Variants in PTPRO observed in about 807,000 individuals in gnomAD.
The protein encoded by PTPRO is receptor-type tyrosine-protein phosphatase O.
PTPRO carries 62 observed loss-of-function variants against 145.2 expected under a neutral mutation model. The ratio of observed to expected loss-of-function variants is 0.43; its 90% CI spans 0.35 to 0.53. The LOEUF is 0.53. Ranked by LOEUF, PTPRO falls within the 20% of genes least tolerant of loss-of-function variation. The pLI is 0.01. For synonymous variants in PTPRO, 565 were observed against 514.7 expected, an observed-to-expected ratio of 1.10 and a Z score of -1.32; for missense variants, 1,345 against 1,482.7, an observed-to-expected ratio of 0.91 and a Z score of 1.53.
Position 15,429,804 on chromosome 12 carries a change from C to T in PTPRO, c.76-54170C>T, listed in dbSNP as rs556043775. 3.0e-4 allele frequency among the ~76,000 whole-genome samples: 46 copies of T among 152,056 alleles called. No homozygotes were observed. In the South Asian group the frequency reaches 9.4e-3, roughly 31 times the overall value. ...GAGGAGACTATGCTAGGAGTTCAGG[C>T]AAGGTGGGAGAGAGAGCAATGTGGA... On this transcript the variant is annotated intron_variant, in intron 1 of 26. Transcript: ENST00000281171.
chr12:15,446,463 C>T (rs1156707853), intron 1 of PTPRO, among the ~76,000 whole-genome samples: 1 of 151,894 alleles, frequency 6.6e-6, no homozygotes, highest in Non-Finnish European at 1.5e-5. Flanking sequence ...TTCCGTTCTT[C>T]CTTATTTACC....
At position 15,491,126 on chromosome 12, in the gene PTPRO, T is replaced by C. The variant is rs892093695; in HGVS notation, c.350-6119T>C. Reference sequence around the variant, plus strand: ...CCAGGTCAGGTCTCAAATGATCATCTATGCACCAAACAGCAGCTCTGGCCT... The same window carrying C: ...CCAGGTCAGGTCTCAAATGATCATCCATGCACCAAACAGCAGCTCTGGCCT... On this transcript the variant is annotated intron_variant, in intron 2 of 26. Coordinates refer to ENST00000281171, the MANE Select transcript of PTPRO (RefSeq NM_030667.3). 3.3e-5 allele frequency among the ~76,000 whole-genome samples: 5 copies of C among 152,274 alleles called. No homozygotes were observed. The South Asian group carries it at 1.0e-3, about 32-fold the overall frequency.
intron 1 of PTPRO, among the ~76,000 whole-genome samples, chr12:15,388,158 A>G (rs992539194): frequency 5.3e-5 from 8 of 152,208 alleles, no homozygotes; most frequent in Non-Finnish European, 1.0e-4. Context: ...TAACCATAAA[A>G]AGCAATGTGC....
rs570337325 is a variant in PTPRO at position 15,587,429 on chromosome 12, T to A, written c.3410+378T>A. On this transcript the variant is annotated intron_variant, in intron 24 of 26. Transcript: ENST00000281171. ...CTACTCCATCAAGGATTCTGGGTAG[T>A]TACAACATGGACAAATACAAGGTCA... Among the ~76,000 whole-genome samples the A allele has an allele frequency of 4.6e-4, 70 of 152,298 alleles. No individual in the cohort carries two copies. The South Asian group carries it at 5.4e-3, about 12-fold the overall frequency.
chr12:15,382,570 C>T (rs1591761269), intron 1 of PTPRO, among the ~76,000 whole-genome samples: 2 of 152,308 alleles, frequency 1.3e-5, no homozygotes, highest in South Asian at 2.1e-4. Context: ...CAGGGCCCTC[C>T]AAGACAGGTG....
At chr12:15,426,063 G>T (rs1940277638) in intron 1 of PTPRO, among the ~76,000 whole-genome samples, 2 of 151,434 alleles carry the variant, frequency 1.3e-5, no homozygotes. Context: ...AGAATATAGG[G>T]TGTCTTTTCA....
intron 1 of PTPRO, among the ~76,000 whole-genome samples, chr12:15,447,850 T>C (rs914133639): frequency 3.9e-5 from 6 of 152,174 alleles, no homozygotes; most frequent in Admixed American, 1.3e-4. Context: ...GTCAAATTCA[T>C]CAGGTTCATT....
At chr12:15,474,929 G>C (rs1352933928) in intron 1 of PTPRO, among the ~76,000 whole-genome samples, 2 of 152,176 alleles carry the variant, frequency 1.3e-5, no homozygotes, top group Admixed American at 6.5e-5. Context: ...TTGGCCTGCT[G>C]TCTTCCTCTC....
chr12:15,483,771 T>G (rs1216180626), intron 1 of PTPRO, among the ~76,000 whole-genome samples: 1 of 151,990 alleles, frequency 6.6e-6, no homozygotes. Context: ...AGAAGATTAT[T>G]AATCCTAAGA....
rs567843054 is a variant in PTPRO at position 15,495,773 on chromosome 12, G to A, written c.350-1472G>A. 7.9e-5 allele frequency among the ~76,000 whole-genome samples: 12 copies of A among 152,224 alleles called. 2 individuals are homozygous for A. Among genetic ancestry groups the A allele is most frequent in the African/African-American group, 2.9e-4 (12 of 41,538 alleles). On this transcript the variant is annotated intron_variant, in intron 2 of 26. Transcript: ENST00000281171. ...CAAAAAAATTATTCATATAAGGATG[G>A]CACCTGGTTACAGAAATTTCATTGA...
intron 19 of PTPRO, among the ~76,000 whole-genome samples, chr12:15,574,880 A>C (rs1443687369): frequency 2.0e-5 from 3 of 152,220 alleles, no homozygotes; most frequent in Non-Finnish European, 4.4e-5. Context: ...ACCTGCTGAC[A>C]TTGTTACAAA....
chr12:15,479,162 GGCATCTGTT>G (rs1261520394), intron 1 of PTPRO, among the ~76,000 whole-genome samples: 1 of 152,164 alleles, frequency 6.6e-6, no homozygotes, highest in Non-Finnish European at 1.5e-5. Context: ...AGGGGAAGAA[GGCATCTGTT>G]GCTACCTTAA....
intron 13 of PTPRO, 119 bp from the exon 14 acceptor site, chr12:15,548,975 C>T: frequency 8.7e-7 from 1 of 1,145,182 alleles, no homozygotes; most frequent in Admixed American, 1.8e-5. Flanking sequence ...CAATGCTATT[C>T]TTTGTCATCT....
chr12:15,362,680 A>G (rs1938245546), intron 1 of PTPRO, among the ~76,000 whole-genome samples: 1 of 152,160 alleles, frequency 6.6e-6, no homozygotes, highest in African/African-American at 2.4e-5. Flanking sequence ...TAGGTCCAGT[A>G]AAATATGAAC....
At chr12:15,418,891 C>G (rs1940056037) in intron 1 of PTPRO, among the ~76,000 whole-genome samples, 1 of 151,606 alleles carries the variant, frequency 6.6e-6, no homozygotes, top group African/African-American at 2.4e-5. Flanking sequence ...TCCTTCCTTG[C>G]CTGTTTCCTC....
At chr12:15,359,358 T>C (rs1433749135) in intron 1 of PTPRO, among the ~76,000 whole-genome samples, 4 of 151,968 alleles carry the variant, frequency 2.6e-5, no homozygotes, top group African/African-American at 9.7e-5. Context: ...CTTATTAGAT[T>C]CATTTTCAGA....
At chr12:15,455,123 A>G (rs898930479) in intron 1 of PTPRO, among the ~76,000 whole-genome samples, 3 of 152,124 alleles carry the variant, frequency 2.0e-5, no homozygotes, top group Non-Finnish European at 2.9e-5. Flanking sequence ...TCAGATATCA[A>G]CACTTCCTTC....
chr12:15,556,141 A>G (rs887030538), intron 15 of PTPRO, among the ~76,000 whole-genome samples: 2 of 152,226 alleles, frequency 1.3e-5, no homozygotes, highest in Non-Finnish European at 1.5e-5. Context: ...CCTAAATTCT[A>G]TCTTTGGAAC....
intron 1 of PTPRO, among the ~76,000 whole-genome samples, chr12:15,328,542 T>C (rs1866514722): frequency 6.6e-6 from 1 of 152,116 alleles, no homozygotes; most frequent in Non-Finnish European, 1.5e-5. Flanking sequence ...AAGTGATATA[T>C]GCTTGGAAAA....
Sources: allele counts gnomAD v4.1 joint callset (sites outside exome capture counted in the v4.1 genomes callset), GRCh38; gene constraint gnomAD v4.1.1; transcripts MANE v1.5; gene names NCBI Gene and HGNC (gene_info 2026-07-23, HGNC 2026-07-21).